MCMDC2: variants seen among roughly 807,000 people sequenced by gnomAD.
The protein encoded by MCMDC2 is minichromosome maintenance domain-containing protein 2.
MCMDC2 carries 54 observed loss-of-function variants against 75.8 expected under a neutral mutation model. That is an observed-to-expected ratio of 0.71 (90% CI 0.57 to 0.89). The LOEUF is 0.89. MCMDC2 is among the 40% of genes least tolerant of loss of function. The pLI, the probability that MCMDC2 is intolerant of heterozygous loss-of-function variation, is 0.00. For missense variants in MCMDC2, 656 were observed against 780.4 expected (o/e 0.84, Z 1.90); for synonymous variants, 249 against 274.6 (o/e 0.91, Z 0.92).
chr8:66,885,865 G>A (rs1047877636), intron 9 of MCMDC2, among the ~76,000 whole-genome samples: 28 of 152,090 alleles, frequency 1.8e-4, no homozygotes, highest in African/African-American at 6.8e-4. Context: ...ATCATACAGT[G>A]CATCCTCTTT....
chr8:66,884,637 T>C (rs1227262484), intron 9 of MCMDC2: 1 of 152,026 alleles, frequency 6.6e-6, no homozygotes, highest in Admixed American at 6.6e-5. Context: ...ATTGAACAGA[T>C]TATGTTTTGC....
At chr8:66,924,140 A>C (rs540675321), downstream of MCMDC2, among the ~76,000 whole-genome samples, 8 of 152,300 alleles carry the variant, frequency 5.3e-5, no homozygotes, top group South Asian at 1.7e-3. Flanking sequence ...AATTTTTAGA[A>C]GTCCCAGCAC....
Position 66,877,627 on chromosome 8 carries a change from A to C in MCMDC2, c.481+83A>C, listed in dbSNP as rs138797244. The C allele has an allele frequency of 1.9e-3, 1,888 of 1,007,182 alleles. 27 individuals carry two copies. The African/African-American group carries it at 0.028, about 15-fold the overall frequency. 62.4% of individuals were successfully genotyped at this position (1,007,182 alleles called of 1,614,324 possible). On this transcript the variant is annotated intron_variant, in intron 5 of 14. Transcript: ENST00000422365. ...CACCTGTAATCCCTGCACTTTGGGA[A>C]GCTGAGGAGGGAGGATCACCTGAGC...
intron 9 of MCMDC2, among the ~76,000 whole-genome samples, chr8:66,889,860 A>G (rs541979445): frequency 6.6e-6 from 1 of 150,812 alleles, no homozygotes; most frequent in Non-Finnish European, 1.5e-5. Flanking sequence ...ACAAAAGAAA[A>G]CAAAGACAAA....
chr8:66,914,065 C>T (rs1032940050), intron 14 of MCMDC2, among the ~76,000 whole-genome samples: 8 of 151,292 alleles, frequency 5.3e-5, no homozygotes, highest in African/African-American at 1.7e-4. Flanking sequence ...ATCACTTGAG[C>T]CCAGGAGTTC....
chr8:66,873,905 T>C, intron 1 of MCMDC2, 148 bp from the exon 2 acceptor site: 2 of 347,228 alleles, frequency 5.8e-6, no homozygotes, highest in Non-Finnish European at 5.1e-6. Context: ...AAAGAAGTTA[T>C]TTGGCAAAAG....
Position 66,911,628 on chromosome 8 carries a change from A to C in MCMDC2, c.1879+6293A>C, listed in dbSNP as rs551225001. Among the ~76,000 whole-genome samples the C allele has an allele frequency of 2.0e-5, 3 of 152,266 alleles. No individual in the cohort carries two copies. The East Asian group carries it at 5.8e-4, about 29-fold the overall frequency. On this transcript the variant is annotated intron_variant, in intron 14 of 14. Coordinates refer to ENST00000422365, the MANE Select transcript of MCMDC2 (RefSeq NM_173518.5). ...CACCCTAGATCAGGAGTTCAAGACC[A>C]GCCTGGCCAAGATGATGAAACCCTG...
At chr8:66,916,428 G>T (rs375308807) in intron 14 of MCMDC2, among the ~76,000 whole-genome samples, 189 of 152,296 alleles carry the variant, frequency 1.2e-3, no homozygotes, top group African/African-American at 4.3e-3. Context: ...GGGGCTAGAA[G>T]AGAAGTGTCC....
At chr8:66,915,322 C>T (rs1032585357) in intron 14 of MCMDC2, among the ~76,000 whole-genome samples, 4 of 151,614 alleles carry the variant, frequency 2.6e-5, no homozygotes, top group Non-Finnish European at 5.9e-5. Context: ...CGTAGTGGCG[C>T]GCGTCTGTAA....
intron 10 of MCMDC2, among the ~76,000 whole-genome samples, 187 bp from the exon 11 acceptor site, chr8:66,895,983 A>C (rs549937226): frequency 1.3e-5 from 2 of 152,216 alleles, no homozygotes; most frequent in African/African-American, 4.8e-5. Flanking sequence ...CATGGGACAC[A>C]TAAGGCTTCA....
intron 13 of MCMDC2, among the ~76,000 whole-genome samples, chr8:66,903,303 T>A (rs1232741754): frequency 1.3e-5 from 2 of 152,182 alleles, no homozygotes; most frequent in African/African-American, 4.8e-5. Flanking sequence ...TTGGGGAAAT[T>A]AACTAAACAT....
intron 14 of MCMDC2, among the ~76,000 whole-genome samples, chr8:66,911,154 C>G (rs767819346): frequency 1.3e-5 from 2 of 152,144 alleles, no homozygotes; most frequent in Non-Finnish European, 2.9e-5. Context: ...GCTTTGTGTC[C>G]TCACCCAAAC....
Position 66,884,010 on chromosome 8 carries a change from G to T in MCMDC2, c.1073+16G>T, listed in dbSNP as rs1811716172. 2.7e-6 allele frequency: 4 copies of T among 1,506,770 alleles called. No individual in the cohort carries two copies. Among genetic ancestry groups the T allele is most frequent in the Admixed American group, 1.7e-5 (1 of 59,370 alleles). 93.3% of individuals were successfully genotyped at this position (1,506,770 alleles called of 1,614,324 possible). A position where few individuals can be genotyped will look rare whatever the true frequency, so the allele number is the denominator to read the frequency against. ...TCATAGACAGGTATATATGTGACAT[G>T]AATTTTTACAAATATTAATTGGTCA... On this transcript the variant is annotated intron_variant, in intron 9 of 14. Transcript: ENST00000422365.
At chr8:66,905,862 A>T (rs1193563213) in intron 14 of MCMDC2, among the ~76,000 whole-genome samples, 1 of 151,956 alleles carries the variant, frequency 6.6e-6, no homozygotes, top group East Asian at 1.9e-4. Flanking sequence ...AAAATTAGCT[A>T]GGTGTGGTGG....
rs745562112 is a variant in MCMDC2, at chr8:66,891,076, CAA to C, written c.1279+7_1279+8del. 1.2e-5 allele frequency: 19 copies of C among 1,587,568 alleles called. No individual in the cohort carries two copies. The Admixed American group carries it at 3.7e-4, about 31-fold the overall frequency. On this transcript the variant is annotated splice_region_variant and intron_variant, in intron 10 of 14. Coordinates refer to ENST00000422365, the MANE Select transcript of MCMDC2 (RefSeq NM_173518.5). ...ACTTGAACAGCTTCAAACAGGTAAA[CAA>C]TATTTTTTAAATTAATTTTCACCCG...
chr8:66,899,579 T>C (rs1401620795), intron 12 of MCMDC2, among the ~76,000 whole-genome samples: 1 of 152,042 alleles, frequency 6.6e-6, no homozygotes, highest in East Asian at 1.9e-4. Context: ...CATTGCAACC[T>C]CCGCCTGCTG....
chr8:66,902,836 C>G (rs1180534198), intron 13 of MCMDC2, among the ~76,000 whole-genome samples: 1 of 146,596 alleles, frequency 6.8e-6, no homozygotes, highest in Admixed American at 6.9e-5. Flanking sequence ...GAAAATAGAA[C>G]TCTTAAAGCA....
downstream of MCMDC2, chr8:66,922,874 T>TA (rs998750120): frequency 2.0e-5 from 4 of 196,208 alleles, no homozygotes; most frequent in African/African-American, 9.4e-5. Flanking sequence ...CACTTTTTAA[T>TA]AAAAAAGTAC....
intron 14 of MCMDC2, among the ~76,000 whole-genome samples, chr8:66,912,958 A>T (rs933672056): frequency 4.0e-5 from 6 of 151,568 alleles, no homozygotes; most frequent in Non-Finnish European, 5.9e-5. Flanking sequence ...AATAAAAATG[A>T]CCAAAAAAAA....
Sources: gnomAD v4.1 joint callset for allele counts (sites outside exome capture counted in the v4.1 genomes callset) on GRCh38, gnomAD v4.1.1 for gene constraint, MANE v1.5 for transcripts, NCBI Gene and HGNC (gene_info 2026-07-23, HGNC 2026-07-21) for gene names.